ENOX1: variants seen among roughly 807,000 people sequenced by gnomAD.
ENOX1 encodes the protein ecto-NOX disulfide-thiol exchanger 1.
In ENOX1, 42 loss-of-function variants were observed where a neutral mutation model predicts 82.5. That is an observed-to-expected ratio of 0.51 (90% CI 0.40 to 0.66). The LOEUF is 0.66. Ranked by LOEUF, ENOX1 falls within the 30% of genes least tolerant of loss-of-function variation. The pLI is 0.00. For synonymous variants in ENOX1, 271 were observed against 282.2 expected, an observed-to-expected ratio of 0.96 and a Z score of 0.40; for missense variants, 608 against 811.6, an observed-to-expected ratio of 0.75 and a Z score of 3.05.
At chr13:43,243,529 C>A (rs1333625626) in intron 14 of ENOX1, among the ~76,000 whole-genome samples, 1 of 152,180 alleles carries the variant, frequency 6.6e-6, no homozygotes, top group East Asian at 1.9e-4. Flanking sequence ...CTGAAGCGAT[C>A]CTCTTGCCTC....
intron 3 of ENOX1, among the ~76,000 whole-genome samples, chr13:43,467,777 A>G (rs1384337596): frequency 6.6e-6 from 1 of 152,170 alleles, no homozygotes. Context: ...CCTTATAAGA[A>G]TTTCATAGTT....
intron 11 of ENOX1, among the ~76,000 whole-genome samples, chr13:43,300,031 T>G (rs887945721): frequency 1.3e-5 from 2 of 152,220 alleles, no homozygotes; most frequent in African/African-American, 2.4e-5. Context: ...GTTTTATAGT[T>G]GAGTGTTTTA....
chr13:43,578,634 C>T (rs1248092892), intron 2 of ENOX1, among the ~76,000 whole-genome samples: 1 of 152,130 alleles, frequency 6.6e-6, no homozygotes, highest in Non-Finnish European at 1.5e-5. Context: ...TATTATCTGA[C>T]ACTTTTTTGT....
intron 2 of ENOX1, among the ~76,000 whole-genome samples, chr13:43,573,635 C>T (rs1356635497): frequency 6.6e-6 from 1 of 152,164 alleles, no homozygotes; most frequent in African/African-American, 2.4e-5. Context: ...CAACACAGCA[C>T]AACACAACAC....
chr13:43,737,992 C>T (rs2089715276), intron 1 of ENOX1, among the ~76,000 whole-genome samples: 1 of 152,086 alleles, frequency 6.6e-6, no homozygotes, highest in Non-Finnish European at 1.5e-5. Flanking sequence ...TTTTTGTGTC[C>T]TTCTGAAGAA....
At chr13:43,432,319 A>G (rs1014473878) in intron 3 of ENOX1, among the ~76,000 whole-genome samples, 1 of 152,320 alleles carries the variant, frequency 6.6e-6, no homozygotes, top group Non-Finnish European at 1.5e-5. Context: ...AGTAATCGCC[A>G]GAAGTTATGA....
chr13:43,247,524 C>T (rs1593513061), intron 14 of ENOX1, among the ~76,000 whole-genome samples: 3 of 151,718 alleles, frequency 2.0e-5, no homozygotes, highest in East Asian at 1.9e-4. Context: ...CTGTGAAGGG[C>T]GTGGACTTGA....
At chr13:43,404,896 G>T (rs767410263) in intron 5 of ENOX1, among the ~76,000 whole-genome samples, 3 of 152,192 alleles carry the variant, frequency 2.0e-5, no homozygotes, top group Non-Finnish European at 4.4e-5. Flanking sequence ...ACTTGATAGT[G>T]AGAAATCTTT....
At chr13:43,609,169 C>T (rs1287659891) in intron 2 of ENOX1, among the ~76,000 whole-genome samples, 1 of 152,118 alleles carries the variant, frequency 6.6e-6, no homozygotes, top group African/African-American at 2.4e-5. Context: ...GGTGGATATA[C>T]ATAGGTACTT....
Position 43,554,690 on chromosome 13 carries a change from C to T in ENOX1, c.-218-70538G>A, listed in dbSNP as rs535245792. ...CTCCTGGGCACAAGCGATCCTCCCA[C>T]CTCTGCCTTCTGAGTAGCTGGGACC... On this transcript the variant is annotated intron_variant, in intron 2 of 16. Transcript: ENST00000690772. 3.9e-5 allele frequency among the ~76,000 whole-genome samples: 6 copies of T among 152,298 alleles called. No individual in the cohort carries two copies. In the East Asian group the frequency reaches 5.8e-4, roughly 15 times the overall value.
At chr13:43,392,785 T>C (rs1418373835) in intron 5 of ENOX1, among the ~76,000 whole-genome samples, 1 of 152,276 alleles carries the variant, frequency 6.6e-6, no homozygotes, top group African/African-American at 2.4e-5. Context: ...GTTTCATGTT[T>C]ACAAACACAT....
chr13:43,613,956 A>C (rs2153740593), intron 2 of ENOX1, among the ~76,000 whole-genome samples: 1 of 152,228 alleles, frequency 6.6e-6, no homozygotes, highest in Admixed American at 6.5e-5. Context: ...TAAATAAATA[A>C]AGGAGGTATA....
intron 1 of ENOX1, among the ~76,000 whole-genome samples, chr13:43,698,300 C>T (rs1440035899): frequency 6.6e-6 from 1 of 152,204 alleles, no homozygotes; most frequent in East Asian, 1.9e-4. Flanking sequence ...ACAACTCCTA[C>T]ATAAGTACCT....
At position 43,326,465 on chromosome 13, in the gene ENOX1, G is replaced by A. The variant is rs775815071; in HGVS notation, c.1097C>T (p.Ser366Leu). Residue 366 changes from serine to leucine, a missense_variant, in exon 10 of 17, where the codon TCG becomes TTG. Coordinates refer to ENST00000690772, the MANE Select transcript of ENOX1 (RefSeq NM_001347969.2). ...GTCTATGTTCTTGCGCTGGGCTTTC[G>A]AGAAATGGTCCCAAGCTTTTTGTCT... ...STRQKAWDHF[S>L]KAQRKNIDIW... The A allele has an allele frequency of 7.4e-6, 12 of 1,614,142 alleles. No individual in the cohort carries two copies. Among genetic ancestry groups the A allele is most frequent in the South Asian group, 2.2e-5 (2 of 91,078 alleles).
At chr13:43,733,590 C>T (rs1330298804) in intron 1 of ENOX1, among the ~76,000 whole-genome samples, 1 of 152,194 alleles carries the variant, frequency 6.6e-6, no homozygotes, top group Non-Finnish European at 1.5e-5. Flanking sequence ...GCCTTCTCAT[C>T]TTGCCTTGTA....
intron 9 of ENOX1, among the ~76,000 whole-genome samples, chr13:43,327,720 G>T (rs935687140): frequency 2.0e-5 from 3 of 152,274 alleles, no homozygotes; most frequent in Non-Finnish European, 4.4e-5. Context: ...TCCAAAGAAT[G>T]TCAAAGAGCA....
chr13:43,312,551 G>T (rs748079199), intron 11 of ENOX1, among the ~76,000 whole-genome samples: 3 of 152,096 alleles, frequency 2.0e-5, no homozygotes, highest in Non-Finnish European at 4.4e-5. Flanking sequence ...ATCTTTTTGG[G>T]GACTTATGAA....
At chr13:43,399,478 T>C (rs1328738264) in intron 5 of ENOX1, among the ~76,000 whole-genome samples, 1 of 152,218 alleles carries the variant, frequency 6.6e-6, no homozygotes, top group Non-Finnish European at 1.5e-5. Flanking sequence ...TCTCTTTTCA[T>C]TCCCTTAAAA....
intron 12 of ENOX1, 62 bp downstream of exon 12, chr13:43,298,284 A>G: frequency 6.8e-7 from 1 of 1,480,298 alleles, no homozygotes; most frequent in Non-Finnish European, 8.9e-7. Flanking sequence ...CTGCCTTTCC[A>G]TTTTCATTTA....
Sources: allele counts gnomAD v4.1 joint callset (sites outside exome capture counted in the v4.1 genomes callset), GRCh38; gene constraint gnomAD v4.1.1; transcripts MANE v1.5; gene names NCBI Gene and HGNC (gene_info 2026-07-23, HGNC 2026-07-21).